Variants in SMC1B observed in about 807,000 individuals in gnomAD.
SMC1B encodes the protein structural maintenance of chromosomes 1B.
Under a neutral mutation model 157.9 loss-of-function variants are expected in SMC1B, and 60 were observed. That is an observed-to-expected ratio of 0.38 (90% CI 0.31 to 0.47). The LOEUF is 0.47. Ranked by LOEUF, SMC1B falls within the 20% of genes least tolerant of loss-of-function variation. SMC1B has a pLI of 0.99. For missense variants in SMC1B, 1,165 were observed against 1,426.2 expected (o/e 0.82, Z 2.95); for synonymous variants, 445 against 483.0 (o/e 0.92, Z 1.03).
chr22:45,408,657 C>T, intron 2 of SMC1B, 53 bp downstream of exon 2: 1 of 1,266,510 alleles, frequency 7.9e-7, no homozygotes, highest in Non-Finnish European at 1.1e-6. Flanking sequence ...AAAAAATGGG[C>T]AATCTTACTT....
At chr22:45,353,551 T>G (rs1011028719) in intron 21 of SMC1B, among the ~76,000 whole-genome samples, 8 of 152,082 alleles carry the variant, frequency 5.3e-5, no homozygotes. Flanking sequence ...CTGCCTTTAG[T>G]TATTTTCCTC....
chr22:45,373,045 A>G (rs555912039), intron 12 of SMC1B, among the ~76,000 whole-genome samples: 1 of 152,138 alleles, frequency 6.6e-6, no homozygotes, highest in African/African-American at 2.4e-5. Context: ...TCTTTCAACC[A>G]ACTGCCAAGC....
At chr22:45,405,343 G>A (rs539026304) in intron 4 of SMC1B, among the ~76,000 whole-genome samples, 1 of 151,906 alleles carries the variant, frequency 6.6e-6, no homozygotes, top group East Asian at 1.9e-4. Context: ...GGCAGATCAC[G>A]AGGTCAGGAG....
At chr22:45,355,635 C>T (rs1211608936) in intron 19 of SMC1B, among the ~76,000 whole-genome samples, 1 of 152,108 alleles carries the variant, frequency 6.6e-6, no homozygotes, top group African/African-American at 2.4e-5. Flanking sequence ...TCTAATAGGG[C>T]AAGCATAGGT....
intron 21 of SMC1B, 57 bp downstream of exon 21, chr22:45,353,921 C>CAAAAAAAAAAAAA: frequency 2.5e-6 from 1 of 394,472 alleles, no homozygotes; most frequent in Non-Finnish European, 3.7e-6. Flanking sequence ...AAAAAAAAAA[C>CAAAAAAAAAAAAA]AACCACCACC....
chr22:45,354,198 A>G, intron 20 of SMC1B, 66 bp from the exon 21 acceptor site: 1 of 1,252,164 alleles, frequency 8.0e-7, no homozygotes, highest in Non-Finnish European at 1.1e-6. Flanking sequence ...TAAACTGTAA[A>G]GCATAAAATA....
At chr22:45,389,611 A>T in intron 10 of SMC1B, 101 bp downstream of exon 10, 1 of 1,037,436 alleles carries the variant, frequency 9.6e-7, no homozygotes, top group Non-Finnish European at 1.4e-6. Flanking sequence ...CATCCAAGCT[A>T]CAATTTTTCT....
At chr22:45,413,311 C>T (rs2087374866) in intron 1 of SMC1B, 148 bp downstream of exon 1, 1 of 620,096 alleles carries the variant, frequency 1.6e-6, no homozygotes, top group African/African-American at 1.9e-5. Context: ...AGGGCCAGGC[C>T]GGGATCCGGT....
In SMC1B at chr22:45,382,843, T is replaced by C. The variant is rs549337279; in HGVS notation, c.2058+624A>G. On this transcript the variant is annotated intron_variant, in intron 12 of 24. Coordinates refer to ENST00000357450, the MANE Select transcript of SMC1B (RefSeq NM_148674.5). ...CCAACCTCAGTTATACTTTAAGAAA[T>C]GCCTATCAGGCCGGGCACAGTGGCT... is the stretch of plus-strand genomic sequence containing the variant. Among the ~76,000 whole-genome samples, 218 of 152,232 alleles carry C rather than the reference T, an allele frequency of 1.4e-3. 2 individuals are homozygous for C. Among genetic ancestry groups the C allele is most frequent in the African/African-American group, 4.9e-3 (203 of 41,530 alleles).
chr22:45,389,885 A>C lies in SMC1B; in HGVS notation c.1558T>G (p.Phe520Val). The change falls in exon 10 of 25, where the codon TTT (phenylalanine) becomes GTT (valine). Residue 520 changes from phenylalanine to valine, a missense_variant. Transcript: ENST00000357450. ...LYPDSVFGRL[F>V]DLCHPIHKKY... ...TTATGAATAGGATGACACAGGTCAA[A>C]TAGTCTTCCAAACTTAGCAGGTTTC... is the stretch of plus-strand genomic sequence containing the variant. 3 of 1,613,644 alleles carry C rather than the reference A, an allele frequency of 1.9e-6. No homozygotes were observed. The highest frequency in any genetic ancestry group is 2.5e-6 in the Non-Finnish European group (3 of 1,179,872).
chr22:45,388,795 G>C (rs1367516197), intron 10 of SMC1B, among the ~76,000 whole-genome samples: 1 of 151,716 alleles, frequency 6.6e-6, no homozygotes, highest in Non-Finnish European at 1.5e-5. Flanking sequence ...GACCAATGTG[G>C]AGAAACCCCG....
At chr22:45,401,378 G>A (rs1393748909) in intron 5 of SMC1B, among the ~76,000 whole-genome samples, 6 of 152,210 alleles carry the variant, frequency 3.9e-5, no homozygotes, top group African/African-American at 1.2e-4. Flanking sequence ...AAGCTTACAC[G>A]AGTGAATGCC....
intron 15 of SMC1B, among the ~76,000 whole-genome samples, chr22:45,364,576 T>A (rs1037317966): frequency 1.3e-5 from 2 of 152,184 alleles, no homozygotes; most frequent in African/African-American, 2.4e-5. Context: ...GAGCCAGGGA[T>A]GACACACTCA....
At chr22:45,382,116 C>G (rs927558658) in intron 12 of SMC1B, among the ~76,000 whole-genome samples, 3 of 152,122 alleles carry the variant, frequency 2.0e-5, no homozygotes, top group Non-Finnish European at 4.4e-5. Flanking sequence ...CACAAAAGCA[C>G]TAGAAGGAAG....
At chr22:45,405,472 A>C (rs529006011) in intron 4 of SMC1B, among the ~76,000 whole-genome samples, 1 of 152,160 alleles carries the variant, frequency 6.6e-6, no homozygotes, top group African/African-American at 2.4e-5. Flanking sequence ...GAATGGCGTG[A>C]ACCCAGGAGG....
At chr22:45,361,292 G>T (rs1325478337) in intron 17 of SMC1B, among the ~76,000 whole-genome samples, 1 of 152,128 alleles carries the variant, frequency 6.6e-6, no homozygotes, top group African/African-American at 2.4e-5. Context: ...CTCTATACAG[G>T]TTCATGTTTT....
Position 45,369,937 on chromosome 22 carries a change from T to A in SMC1B, c.2420+17A>T. 2.2e-6 allele frequency: 3 copies of A among 1,368,860 alleles called. No individual in the cohort carries two copies. The highest frequency in any genetic ancestry group is 3.1e-6 in the Non-Finnish European group (3 of 974,974). The allele number at this position is 1,368,860 out of a possible 1,614,324, so 84.8% of individuals were successfully genotyped here. The stretch of plus-strand genomic sequence containing the variant: ...TAAATATGTAAGCTCCTTACCAACA[T>A]CTTTTTATAAAAATACCTTTTTTGA... On this transcript the variant is annotated intron_variant, in intron 15 of 24. Transcript: ENST00000357450.
At chr22:45,361,720 G>A in intron 17 of SMC1B, 119 bp downstream of exon 17, 1 of 975,556 alleles carries the variant, frequency 1.0e-6, no homozygotes, top group Non-Finnish European at 1.6e-6. Flanking sequence ...GGTGTGATGT[G>A]AGACCAAGAG....
In SMC1B at chr22:45,362,912, A is replaced by C. The variant is rs775594184; in HGVS notation, c.2535T>G (p.Gly845=). ...TCTTTAGGTGATCAATATCTTCACT[A>C]CCTTTCTGGATAGTTTCTTTTAATG... ...INTLKETIQK[G]SEDIDHLKKA... The change falls in exon 16 of 25, where the codon GGT becomes GGG. Residue 845 remains glycine (G), a synonymous_variant. Transcript: ENST00000357450. 3.4e-5 allele frequency: 55 copies of C among 1,601,840 alleles called. 1 individual carries two copies. In the East Asian group the frequency reaches 8.3e-4, roughly 24 times the overall value.
Sources: gnomAD v4.1 joint callset for allele counts (sites outside exome capture counted in the v4.1 genomes callset) on GRCh38, gnomAD v4.1.1 for gene constraint, MANE v1.5 for transcripts, NCBI Gene and HGNC (gene_info 2026-07-23, HGNC 2026-07-21) for gene names.